Variants in PIF1 observed in about 807,000 individuals in gnomAD.
PIF1 encodes PIF1 5'-to-3' DNA helicase.
A neutral mutation model predicts 62.3 loss-of-function variants in PIF1; 67 were observed. The ratio of observed to expected loss-of-function variants is 1.08; its 90% CI spans 0.88 to 1.32. The LOEUF is 1.32. Among genes scored for constraint, PIF1 ranks in the 40% most tolerant of loss-of-function variants. PIF1 has a pLI of 0.00. For synonymous variants in PIF1, 364 were observed against 379.5 expected, an observed-to-expected ratio of 0.96 and a Z score of 0.47; for missense variants, 886 against 866.1, an observed-to-expected ratio of 1.02 and a Z score of -0.29.
upstream of PIF1, among the ~76,000 whole-genome samples, chr15:64,826,089 A>G (rs923781290): frequency 6.6e-6 from 1 of 151,782 alleles, no homozygotes; most frequent in Non-Finnish European, 1.5e-5. Context: ...TGGGCAGACC[A>G]CCCCAAGGCC....
chr15:64,822,069 T>G, intron 4 of PIF1, 197 bp downstream of exon 4: 5 of 645,790 alleles, frequency 7.7e-6, no homozygotes, highest in Non-Finnish European at 1.0e-5. Context: ...GGAGACAGGG[T>G]TTACTGTGTT....
rs1045766879 is a variant in PIF1 at position 64,821,466 on chromosome 15, G to A, written c.872C>T (p.Pro291Leu). The change falls in exon 5 of 13, where the codon CCA becomes CTA. Residue 291 changes from proline (P) to leucine (L), a missense_variant. Coordinates refer to ENST00000559239, the MANE Select transcript of PIF1 (RefSeq NM_001286496.2). ...LAQCVALAQR[P>L]GVRQGWLNCQ... ...GTTCAGCCAGCCCTGCCGCACGCCT[G>A]GCCTTTGGGCCAGGGCCACACACTG... The A allele has an allele frequency of 6.2e-7, 1 of 1,614,114 alleles. No individual in the cohort carries two copies. The highest frequency in any genetic ancestry group is 8.5e-7 in the Non-Finnish European group (1 of 1,180,026).
At position 64,822,497 on chromosome 15, in the gene PIF1, G is replaced by C. The variant is rs764077234; in HGVS notation, c.672C>G (p.Ile224Met). Residue 224 changes from isoleucine (I) to methionine (M), a missense_variant, in exon 3 of 13, where the codon ATC (isoleucine) becomes ATG (methionine). Coordinates refer to ENST00000559239, the MANE Select transcript of PIF1 (RefSeq NM_001286496.2). ...CACTACCTGCACTCCCAGTGAAGAA[G>C]ATGCTCTGGCCTTTCAGGACGGCCC... ...VLRAVLKGQS[I>M]FFTGSAGTGK... is the part of the protein sequence containing the mutation. 13 of 1,613,746 alleles carry C rather than the reference G, an allele frequency of 8.1e-6. No homozygotes were observed. The highest frequency in any genetic ancestry group is 1.0e-5 in the Non-Finnish European group (12 of 1,179,978).
chr15:64,824,082 C>T lies in PIF1; in HGVS notation c.254G>A (p.Arg85His). Reference sequence around the variant, plus strand: ...GTGGGCGGGGAGCCGCAGGGTGCTGCGCCCGGCCTCGGCGAAACGCGTGAA... The same window carrying T: ...GTGGGCGGGGAGCCGCAGGGTGCTGTGCCCGGCCTCGGCGAAACGCGTGAA... ...RLFTRFAEAG[R>H]STLRLPAHDT... is the part of the protein sequence containing the mutation. Residue 85 changes from arginine to histidine, a missense_variant, in exon 2 of 13, where the codon CGC (arginine) becomes CAC (histidine). Transcript: ENST00000559239. 2 of 1,266,830 alleles carry T rather than the reference C, an allele frequency of 1.6e-6. No homozygotes were observed. The highest frequency in any genetic ancestry group is 4.2e-5 in the Admixed American group (1 of 23,614). 78.5% of individuals were successfully genotyped at this position (1,266,830 alleles called of 1,614,324 possible).
At position 64,815,788 on chromosome 15, in the gene PIF1, T is replaced by C; in HGVS notation, c.*510A>G. The stretch of plus-strand genomic sequence containing the variant: ...TTCTTTGGTTAGGCTCTGAAGGGTG[T>C]TTGTTCTGGGCTGGGCTAGGCTGGG... On this transcript the variant is annotated 3_prime_UTR_variant, in exon 13 of 13. Coordinates refer to ENST00000559239, the MANE Select transcript of PIF1 (RefSeq NM_001286496.2). 1.3e-6 allele frequency: 2 copies of C among 1,550,578 alleles called. No individual in the cohort carries two copies. The highest frequency in any genetic ancestry group is 2.7e-5 in the African/African-American group (2 of 73,144).
chr15:64,826,010 A>C (rs974415949), upstream of PIF1, among the ~76,000 whole-genome samples: 11 of 152,192 alleles, frequency 7.2e-5, no homozygotes, highest in African/African-American at 2.7e-4. Context: ...GGCTGGGCTT[A>C]GCCTTGGGGA....
chr15:64,821,065 C>T lies in PIF1; in HGVS notation c.1110G>A (p.Val370=). ...CFQSKSWKRC[V]PVTLELTKVW... is the part of the protein sequence containing the mutation. ...CCTTGGTCAGCTCCAGGGTCACTGG[C>T]ACACACCTCTTCCAGCTCTTGGACT... Residue 370 remains valine (V), a synonymous_variant, in exon 7 of 13, where the codon GTG becomes GTA. Coordinates refer to ENST00000559239, the MANE Select transcript of PIF1 (RefSeq NM_001286496.2). The T allele has an allele frequency of 2.5e-6, 4 of 1,613,704 alleles. No homozygotes were observed. Among genetic ancestry groups the T allele is most frequent in the Non-Finnish European group, 3.4e-6 (4 of 1,179,708 alleles).
At position 64,821,538 on chromosome 15, in the gene PIF1, C is replaced by A; in HGVS notation, c.818-18G>T. The A allele has an allele frequency of 6.4e-7, 1 of 1,555,338 alleles. No individual in the cohort carries two copies. The highest frequency in any genetic ancestry group is 2.3e-5 in the East Asian group (1 of 44,024). On this transcript the variant is annotated intron_variant, in intron 4 of 12. Coordinates refer to ENST00000559239, the MANE Select transcript of PIF1 (RefSeq NM_001286496.2). Reference sequence around the variant, plus strand: ...GCCGATGCCTGTGAGTGACACTATTCAGCCTGGGCTAATACCCAAAGCCTC... The same window carrying A: ...GCCGATGCCTGTGAGTGACACTATTAAGCCTGGGCTAATACCCAAAGCCTC...
upstream of PIF1, among the ~76,000 whole-genome samples, chr15:64,827,052 G>C (rs1294559224): frequency 6.6e-6 from 1 of 152,156 alleles, no homozygotes; most frequent in African/African-American, 2.4e-5. Flanking sequence ...GCGGTAGAGG[G>C]TGATGACTGA....
rs150850791 is a variant in PIF1, at chr15:64,824,989, CTATATA to C, written c.-20+574_-20+579del. ...TATACACACAATATATATACAATTT[CTATATA>C]TATACACACACACACACACACACAT... On this transcript the variant is annotated intron_variant, in intron 1 of 12. Transcript: ENST00000559239. Among the ~76,000 whole-genome samples, 11 of 139,766 alleles carry C rather than the reference CTATATA, an allele frequency of 7.9e-5. No individual in the cohort carries two copies. The East Asian group carries it at 8.5e-4, about 11-fold the overall frequency. 91.7% of individuals were successfully genotyped at this position (139,766 alleles called of 152,430 possible).
chr15:64,822,458 C>A lies in PIF1; in HGVS notation c.691+20G>T. ...TCCCACCCCACCACTGTCCCCCTAC[C>A]TCCTCTCTGCCCCCACTACCTGCAC... On this transcript the variant is annotated intron_variant, in intron 3 of 12. Transcript: ENST00000559239. 1 of 1,614,114 alleles carries A rather than the reference C, an allele frequency of 6.2e-7. No homozygotes were observed. Among genetic ancestry groups the A allele is most frequent in the Non-Finnish European group, 8.5e-7 (1 of 1,180,018 alleles).
At chr15:64,822,650 G>A (rs1005087133) in intron 2 of PIF1, 40 bp from the exon 3 acceptor site, 3 of 1,610,228 alleles carry the variant, frequency 1.9e-6, no homozygotes, top group Non-Finnish European at 2.5e-6. Flanking sequence ...CCTCCCACCC[G>A]CTAGGCATTG....
chr15:64,816,477 C>T (rs186748148), intron 12 of PIF1, 97 bp downstream of exon 12: 1 of 1,592,510 alleles, frequency 6.3e-7, no homozygotes, highest in African/African-American at 1.3e-5. Context: ...GAGGGCTTTT[C>T]TGCCCCCACC....
Position 64,824,327 on chromosome 15 carries a change from C to G in PIF1, c.9G>C (p.Ser3=). 1 of 1,252,742 alleles carries G rather than the reference C, an allele frequency of 8.0e-7. No homozygotes were observed. The highest frequency in any genetic ancestry group is 1.0e-6 in the Non-Finnish European group (1 of 997,524). 77.6% of individuals were successfully genotyped at this position (1,252,742 alleles called of 1,614,324 possible). ML[S]GIEAAAGEYE... The stretch of plus-strand genomic sequence containing the variant: ...ATTCCCCTGCCGCCGCCTCTATGCC[C>G]GAGAGCATCGTCACCGCCTCTGCTG... Residue 3 remains serine, a synonymous_variant, in exon 2 of 13, where the codon TCG becomes TCC. Coordinates refer to ENST00000559239, the MANE Select transcript of PIF1 (RefSeq NM_001286496.2).
Position 64,816,239 on chromosome 15 carries a change from G to A in PIF1, c.*59C>T. On this transcript the variant is annotated 3_prime_UTR_variant, in exon 13 of 13. Coordinates refer to ENST00000559239, the MANE Select transcript of PIF1 (RefSeq NM_001286496.2). ...TATTCCCTGGGGCCCTGGGCCACTA[G>A]GGAGCAGGAGGACGGGGAGGCCACA... 1.2e-6 allele frequency: 2 copies of A among 1,609,620 alleles called. No individual in the cohort carries two copies. The highest frequency in any genetic ancestry group is 1.3e-5 in the African/African-American group (1 of 75,018).
intron 11 of PIF1, 130 bp downstream of exon 11, chr15:64,817,816 C>A (rs753956727): frequency 1.9e-6 from 2 of 1,076,982 alleles, no homozygotes; most frequent in African/African-American, 3.2e-5. Flanking sequence ...GAGCCAAGAT[C>A]GCGCCACTGC....
At position 64,820,995 on chromosome 15, in the gene PIF1, C is replaced by T. The variant is rs535216310; in HGVS notation, c.1180G>A (p.Val394Met). 66 of 1,613,764 alleles carry T rather than the reference C, an allele frequency of 4.1e-5. 1 individual carries two copies. The highest frequency in any genetic ancestry group is 5.0e-5 in the Non-Finnish European group (59 of 1,179,874). The change falls in exon 7 of 13, where the codon GTG (valine) becomes ATG (methionine). Residue 394 changes from valine to methionine, a missense_variant. Physicochemically the swap from Val to Met is conservative, Grantham distance 21. Coordinates refer to ENST00000559239, the MANE Select transcript of PIF1 (RefSeq NM_001286496.2). ...DQTFISLLQA[V>M]RLGRCSDEVT... ...AGCAGAGCTCACCTGCCTAGCCTCA[C>T]GGCCTGCAGTAGAGAGATGAAGGTC...
chr15:64,818,343 A>C lies in PIF1; in HGVS notation c.1442T>G (p.Val481Gly), dbSNP rs756221473. The C allele has an allele frequency of 2.5e-6, 4 of 1,613,656 alleles. No individual in the cohort carries two copies. The African/African-American group carries it at 4.0e-5, about 16-fold the overall frequency. ...CACCGATAAGTTTTTCACCAGCATC[A>C]CCTGCAAGGGAGAGAGAGGAATGGA... ...QLLQLKLGAQ[V>G]MLVKNLSVSR... Residue 481 changes from valine (V) to glycine (G), a missense_variant and splice_region_variant, in exon 10 of 13, where the codon GTG becomes GGG. Coordinates refer to ENST00000559239, the MANE Select transcript of PIF1 (RefSeq NM_001286496.2).
chr15:64,816,321 C>T lies in PIF1; in HGVS notation c.1903G>A (p.Glu635Lys), dbSNP rs775124773. The part of the protein sequence containing the change: ...PDDDEAASDQ[E>K]NMDPIL ...GCTCAGAGGATTGGGTCCATGTTCT[C>T]CTGGTCTGAGGCTGCCTCATCATCA... The change falls in exon 13 of 13, where the codon GAG becomes AAG. Residue 635 changes from glutamate to lysine, a missense_variant. Coordinates refer to ENST00000559239, the MANE Select transcript of PIF1 (RefSeq NM_001286496.2). The T allele has an allele frequency of 4.3e-6, 7 of 1,613,992 alleles. No homozygotes were observed. The East Asian group carries it at 6.7e-5, about 15-fold the overall frequency.
Sources: gnomAD v4.1 joint callset for allele counts (sites outside exome capture counted in the v4.1 genomes callset) on GRCh38, gnomAD v4.1.1 for gene constraint, MANE v1.5 for transcripts, NCBI Gene and HGNC (gene_info 2026-07-23, HGNC 2026-07-21) for gene names.